Variants in PLCD3 observed in about 807,000 individuals in gnomAD.
The protein encoded by PLCD3 is phospholipase C delta 3.
A neutral mutation model predicts 82.8 loss-of-function variants in PLCD3; 62 were observed. That is an observed-to-expected ratio of 0.75 (90% CI 0.61 to 0.93). The LOEUF is 0.93. Among genes scored for constraint, PLCD3 ranks in the 40% least tolerant of loss-of-function variants. PLCD3 has a pLI of 0.00. For synonymous variants in PLCD3, 478 were observed against 471.8 expected (o/e 1.01, Z -0.17); for missense variants, 1,023 against 1,103.4 (o/e 0.93, Z 1.03).
Position 45,132,420 on chromosome 17 carries a change from G to GGGGGCC in PLCD3, c.-16_-11dup, listed in dbSNP as rs983424101. The GGGGGCC allele has an allele frequency of 3.8e-5, 46 of 1,209,026 alleles. No homozygotes were observed. The highest frequency in any genetic ancestry group is 2.9e-4 in the South Asian group (7 of 24,168). The allele number at this position is 1,209,026 out of a possible 1,614,324, so 74.9% of individuals were successfully genotyped here. A position where few individuals can be genotyped will look rare whatever the true frequency, so the allele number is the denominator to read the frequency against. The stretch of plus-strand genomic sequence containing the variant: ...AGCGGCCGCACAGCATGGCTTGGCG[G>GGGGGCC]GGGGCCGGGGCCGGGCCCGGGGTCT... On this transcript the variant is annotated 5_prime_UTR_variant, in exon 1 of 15. Coordinates refer to ENST00000619929, the MANE Select transcript of PLCD3 (RefSeq NM_133373.5). The surrounding 1 kb of genome is among the most constrained non-coding windows in gnomAD (Gnocchi z 4.6).
rs752360452 is a variant in PLCD3, at chr17:45,117,995, G to T, written c.1259C>A (p.Thr420Lys). 4.3e-6 allele frequency: 7 copies of T among 1,613,064 alleles called. No homozygotes were observed. Among genetic ancestry groups the T allele is most frequent in the Admixed American group, 1.7e-5 (1 of 59,904 alleles). Residue 420 changes from threonine (T) to lysine (K), a missense_variant and splice_region_variant, in exon 7 of 15, where the codon ACG becomes AAG. Transcript: ENST00000619929. ...VVQAVRDHAF[T>K]LSPYPVILSL... Reference sequence around the variant, plus strand: ...GGGCTGGGCATCCCAGGGGCTCACCGTGAAGGCATGGTCGCGCACGGCTTG... The same window carrying T: ...GGGCTGGGCATCCCAGGGGCTCACCTTGAAGGCATGGTCGCGCACGGCTTG...
intron 11 of PLCD3, 119 bp downstream of exon 11, chr17:45,114,131 A>G: frequency 1.3e-6 from 1 of 764,492 alleles, no homozygotes; most frequent in South Asian, 2.1e-5. Flanking sequence ...GGCAACTTTA[A>G]AAATAATCAA....
At chr17:45,128,412 T>G (rs914886240) in intron 1 of PLCD3, among the ~76,000 whole-genome samples, 2 of 152,176 alleles carry the variant, frequency 1.3e-5, no homozygotes, top group Non-Finnish European at 2.9e-5. Flanking sequence ...ATGCCCCTGC[T>G]TAGACTGGAG....
intron 9 of PLCD3, 35 bp from the exon 10 acceptor site, chr17:45,115,279 C>T (rs772061959): frequency 1.3e-6 from 2 of 1,532,312 alleles, no homozygotes; most frequent in South Asian, 1.2e-5. Context: ...TCAGCTGGCC[C>T]CCGCTTCCCA....
intron 7 of PLCD3, among the ~76,000 whole-genome samples, chr17:45,117,459 C>G (rs921874751): frequency 1.3e-5 from 2 of 152,152 alleles, no homozygotes; most frequent in African/African-American, 4.8e-5. Context: ...TCAGGCTGGT[C>G]TGGAATTCCT....
intron 1 of PLCD3, among the ~76,000 whole-genome samples, chr17:45,121,960 A>C (rs2054344503): frequency 2.4e-5 from 1 of 41,366 alleles, no homozygotes; most frequent in African/African-American, 7.9e-5. Flanking sequence ...GCGTCTTAAC[A>C]AAAAAAAAAA....
intron 11 of PLCD3, among the ~76,000 whole-genome samples, chr17:45,114,017 G>A (rs2054269744): frequency 6.6e-6 from 1 of 152,146 alleles, no homozygotes; most frequent in Non-Finnish European, 1.5e-5. Context: ...GTGTGTCCGG[G>A]GGACATGGGA....
At chr17:45,126,129 C>T (rs1478880728) in intron 1 of PLCD3, among the ~76,000 whole-genome samples, 3 of 151,222 alleles carry the variant, frequency 2.0e-5, no homozygotes, top group Non-Finnish European at 2.9e-5. Context: ...CTGCAAGCTC[C>T]GCCTCCTGGG....
Position 45,115,255 on chromosome 17 carries a change from AGGCTC to A in PLCD3, c.1561-16_1561-12del. 3 of 1,550,010 alleles carry A rather than the reference AGGCTC, an allele frequency of 1.9e-6. No individual in the cohort carries two copies. Among genetic ancestry groups the A allele is most frequent in the Non-Finnish European group, 2.6e-6 (3 of 1,143,954 alleles). Reference sequence around the variant, plus strand: ...GGAGATCTGCTTGGCCTAGGAGACCAGGCTCAGCGGGGTTCAGCTGGCCCCCGCTT... The same window carrying A: ...GGAGATCTGCTTGGCCTAGGAGACCAAGCGGGGTTCAGCTGGCCCCCGCTT... On this transcript the variant is annotated splice_polypyrimidine_tract_variant and intron_variant, in intron 9 of 14. Coordinates refer to ENST00000619929, the MANE Select transcript of PLCD3 (RefSeq NM_133373.5).
chr17:45,125,185 G>A lies in PLCD3; in HGVS notation c.164-3813C>T, dbSNP rs150812939. Among the ~76,000 whole-genome samples, 1,063 of 151,540 alleles carry A rather than the reference G, an allele frequency of 7.0e-3. 12 individuals carry two copies. Among genetic ancestry groups the A allele is most frequent in the African/African-American group, 0.025 (1,021 of 41,226 alleles). On this transcript the variant is annotated intron_variant, in intron 1 of 14. Coordinates refer to ENST00000619929, the MANE Select transcript of PLCD3 (RefSeq NM_133373.5). ...CTGTTTAAAATATAAAACATCAGCC[G>A]GGCATGGTGGCTCACACCTGCAATC...
intron 1 of PLCD3, among the ~76,000 whole-genome samples, chr17:45,122,502 T>G (rs531970665): frequency 9.9e-5 from 15 of 152,170 alleles, no homozygotes; most frequent in Admixed American, 9.2e-4. Context: ...CCTCTGACCT[T>G]TGGCCCTGCA....
rs984319880 is a variant in PLCD3, at chr17:45,109,367, C to G, written c.*3249G>C. On this transcript the variant is annotated 3_prime_UTR_variant, in exon 15 of 15. Transcript: ENST00000619929. ...TTGGTCCAGGTCAGCAGTGGCTCCTCTGGTGGAGGTGCAGGCCCCGTGCCT... is the reference window on the plus strand; with the variant it reads ...TTGGTCCAGGTCAGCAGTGGCTCCTGTGGTGGAGGTGCAGGCCCCGTGCCT... The G allele has an allele frequency of 2.6e-5, 4 of 152,542 alleles. No homozygotes were observed. The highest frequency in any genetic ancestry group is 2.6e-4 in the Admixed American group (4 of 15,316). The allele number at this position is 152,542 out of a possible 1,614,324, so 9.4% of individuals were successfully genotyped here. A position where few individuals can be genotyped will look rare whatever the true frequency, so the allele number is the denominator to read the frequency against.
intron 12 of PLCD3, 63 bp downstream of exon 12, chr17:45,113,376 C>T (rs1049812033): frequency 2.6e-6 from 4 of 1,556,658 alleles, no homozygotes; most frequent in Non-Finnish European, 3.5e-6. Flanking sequence ...CTTCCTCCAC[C>T]TCACAAAGAG....
chr17:45,115,447 G>A lies in PLCD3; in HGVS notation c.1457C>T (p.Ala486Val), dbSNP rs745590354. ...AGCCCGGCCATCCTCGCTCCGAGCA[G>A]CGGGCAACTTCTTTCCCTTCACCAG... ...RVLVKGKKLP[A>V]ARSEDGRALS... is the part of the protein sequence containing the mutation. The change falls in exon 9 of 15, where the codon GCT (alanine) becomes GTT (valine). Residue 486 changes from alanine to valine, a missense_variant. Physicochemically the swap from Ala to Val is moderately conservative, Grantham distance 64. This residue lies in a region of PLCD3 where 553 missense variants were observed against 655.7 expected (regional missense o/e 0.84). Transcript: ENST00000619929. 4.3e-6 allele frequency: 7 copies of A among 1,612,602 alleles called. No individual in the cohort carries two copies. The South Asian group carries it at 6.6e-5, about 15-fold the overall frequency.
chr17:45,112,782 G>A, intron 14 of PLCD3, 78 bp from the exon 15 acceptor site: 2 of 1,592,922 alleles, frequency 1.3e-6, no homozygotes, highest in Non-Finnish European at 1.7e-6. Flanking sequence ...CTTCAGGGCA[G>A]GAAATTCGAG....
At chr17:45,123,967 A>AC (rs1491499788) in intron 1 of PLCD3, among the ~76,000 whole-genome samples, 7 of 138,480 alleles carry the variant, frequency 5.1e-5, no homozygotes, top group Admixed American at 5.0e-4. Context: ...CCCCCCCCCC[A>AC]ACCAGGTCCA....
intron 4 of PLCD3, among the ~76,000 whole-genome samples, chr17:45,119,393 A>T (rs1420521571): frequency 6.6e-6 from 1 of 152,160 alleles, no homozygotes; most frequent in East Asian, 1.9e-4. Context: ...GCACCACTGC[A>T]CCTGGCTAAT....
At chr17:45,131,178 G>A (rs977523002) in intron 1 of PLCD3, among the ~76,000 whole-genome samples, 1 of 152,170 alleles carries the variant, frequency 6.6e-6, no homozygotes, top group Admixed American at 6.5e-5. Context: ...CATAGTCAGC[G>A]CTCAGGTGGA....
chr17:45,122,946 A>G (rs1207977985), intron 1 of PLCD3, among the ~76,000 whole-genome samples: 1 of 152,056 alleles, frequency 6.6e-6, no homozygotes, highest in Non-Finnish European at 1.5e-5. Flanking sequence ...AGAGAACCGA[A>G]TATAGATCTG....
Sources: allele counts gnomAD v4.1 joint callset (sites outside exome capture counted in the v4.1 genomes callset), GRCh38; gene constraint gnomAD v4.1.1; regional missense constraint gnomAD v4.1.1; non-coding constraint Gnocchi (gnomAD v3.1); transcripts MANE v1.5; gene names NCBI Gene and HGNC (gene_info 2026-07-23, HGNC 2026-07-21).